RPRD1A: variants seen among roughly 807,000 people sequenced by gnomAD.
RPRD1A encodes the protein regulation of nuclear pre-mRNA domain containing 1A.
RPRD1A carries 9 observed loss-of-function variants against 37.8 expected under a neutral mutation model. That is an observed-to-expected ratio of 0.24 (90% CI 0.14 to 0.42). The LOEUF (loss-of-function observed/expected upper bound fraction) is 0.42. RPRD1A is among the 10% of genes least tolerant of loss of function. The probability of loss-of-function intolerance (pLI) is 1.00; values close to 1 mark genes in which losing one functional copy is unlikely to be tolerated. For synonymous variants in RPRD1A, 138 were observed against 139.7 expected (o/e 0.99, Z 0.08); for missense variants, 255 against 371.0 (o/e 0.69, Z 2.57).
intron 1 of RPRD1A, among the ~76,000 whole-genome samples, chr18:36,039,161 C>T (rs1376863162): frequency 6.6e-6 from 1 of 152,068 alleles, no homozygotes; most frequent in Non-Finnish European, 1.5e-5. Flanking sequence ...TGTCCCCACC[C>T]AAATCTCATG....
intron 6 of RPRD1A, among the ~76,000 whole-genome samples, chr18:36,009,327 C>T (rs1346122512): frequency 1.3e-5 from 2 of 152,148 alleles, no homozygotes; most frequent in Admixed American, 1.3e-4. Context: ...CAAGCTCCAA[C>T]ACAGGCAGAC....
intron 6 of RPRD1A, 51 bp from the exon 7 acceptor site, chr18:35,993,351 T>C (rs1306500793): frequency 5.0e-6 from 8 of 1,595,634 alleles, no homozygotes; most frequent in Non-Finnish European, 6.8e-6. Flanking sequence ...AAAAACTTCC[T>C]AGCTAATAAT....
At chr18:36,003,030 T>C (rs1328438883) in intron 6 of RPRD1A, among the ~76,000 whole-genome samples, 4 of 152,220 alleles carry the variant, frequency 2.6e-5, no homozygotes, top group Non-Finnish European at 5.9e-5. Context: ...TCTTTTCTAA[T>C]AGCTTTCAAA....
chr18:35,997,508 C>T (rs978057627), intron 6 of RPRD1A, among the ~76,000 whole-genome samples: 15 of 151,778 alleles, frequency 9.9e-5, no homozygotes, highest in Non-Finnish European at 1.6e-4. Flanking sequence ...CAACACCCAA[C>T]ATTCATAAGC....
In RPRD1A at chr18:36,065,016, C is replaced by A. The variant is rs141245021; in HGVS notation, c.151+2238G>T. ...TCTGCAGCTTCACTCCTGAAGCCAG[C>A]GAGACCACAAACCCATCAGAAGAAA... On this transcript the variant is annotated intron_variant, in intron 1 of 6. Coordinates refer to ENST00000399022, the MANE Select transcript of RPRD1A (RefSeq NM_018170.5). Among the ~76,000 whole-genome samples, 396 of 151,926 alleles carry A rather than the reference C, an allele frequency of 2.6e-3. 1 individual carries two copies. Among genetic ancestry groups the A allele is most frequent in the African/African-American group, 9.0e-3 (375 of 41,446 alleles).
At position 36,017,660 on chromosome 18, in the gene RPRD1A, CATT is replaced by C. The variant is rs533438795; in HGVS notation, c.789+9237_789+9239del. ...AGAAAGCGTAACTGCCTATATGCAT[CATT>C]GTTTTAACCATCAGAGTTCTATGAA... On this transcript the variant is annotated intron_variant, in intron 6 of 6. Coordinates refer to ENST00000399022, the MANE Select transcript of RPRD1A (RefSeq NM_018170.5). Among the ~76,000 whole-genome samples, 97 of 152,314 alleles carry C rather than the reference CATT, an allele frequency of 6.4e-4. 1 individual carries two copies. The highest frequency in any genetic ancestry group is 2.0e-3 in the African/African-American group (83 of 41,566).
rs1207562987 is a variant in RPRD1A, at chr18:36,030,860, A to C, written c.434T>G (p.Val145Gly). 6.2e-7 allele frequency: 1 copy of C among 1,613,434 alleles called. No individual in the cohort carries two copies. The highest frequency in any genetic ancestry group is 1.1e-5 in the South Asian group (1 of 91,024). Residue 145 changes from valine (V) to glycine (G), a missense_variant, in exon 4 of 7, where the codon GTG (valine) becomes GGG (glycine). Physicochemically the swap from Val to Gly is moderately radical, Grantham distance 109. Around this residue, in one of 2 missense-constraint regions of RPRD1A, gnomAD observed 211 missense variants for 268.9 expected, o/e 0.78. Transcript: ENST00000399022. Reference protein sequence around the residue: ...PRKRTYEQIKVDENENCSSLG... With the variant: ...PRKRTYEQIKGDENENCSSLG... Reference sequence around the variant, plus strand: ...AGAGGAACAGTTTTCATTTTCATCCACCTTTATCTGTTCATAAGTTCGCTT... The same window carrying C: ...AGAGGAACAGTTTTCATTTTCATCCCCCTTTATCTGTTCATAAGTTCGCTT...
At chr18:35,999,858 CT>C (rs756040239) in intron 6 of RPRD1A, among the ~76,000 whole-genome samples, 80 of 152,310 alleles carry the variant, frequency 5.3e-4, no homozygotes, top group Admixed American at 1.2e-3. Flanking sequence ...TCCTTTGCCT[CT>C]TTTAAGAAGT....
At chr18:36,014,831 A>G (rs1269457590) in intron 6 of RPRD1A, among the ~76,000 whole-genome samples, 1 of 152,208 alleles carries the variant, frequency 6.6e-6, no homozygotes, top group Non-Finnish European at 1.5e-5. Context: ...GGCCATAAGC[A>G]TATGAAAAAG....
chr18:36,040,394 A>G (rs2144333939), intron 1 of RPRD1A, among the ~76,000 whole-genome samples: 1 of 152,328 alleles, frequency 6.6e-6, no homozygotes, highest in East Asian at 1.9e-4. Context: ...TTCTTGGCAG[A>G]AAGAAGCTCC....
At chr18:36,041,228 C>T (rs531581648) in intron 1 of RPRD1A, among the ~76,000 whole-genome samples, 51 of 152,260 alleles carry the variant, frequency 3.3e-4, no homozygotes, top group Middle Eastern at 3.4e-3. Context: ...ATAATCCCCA[C>T]GTATCTCTCC....
At chr18:36,052,021 C>G (rs183697643) in intron 1 of RPRD1A, among the ~76,000 whole-genome samples, 2 of 152,116 alleles carry the variant, frequency 1.3e-5, no homozygotes, top group African/African-American at 4.8e-5. Context: ...CACACTAAGA[C>G]ACATTATAAT....
chr18:36,001,227 AATG>A (rs1358616456), intron 6 of RPRD1A, among the ~76,000 whole-genome samples: 2 of 152,184 alleles, frequency 1.3e-5, no homozygotes, highest in Non-Finnish European at 2.9e-5. Flanking sequence ...ACCTCCTAAT[AATG>A]ATGTTTTGAC....
chr18:36,056,760 A>C (rs1295808247), intron 1 of RPRD1A, among the ~76,000 whole-genome samples: 1 of 152,198 alleles, frequency 6.6e-6, no homozygotes, highest in South Asian at 2.1e-4. Flanking sequence ...AAGGAGAACA[A>C]GATGAACAGG....
chr18:35,995,960 T>C (rs1909027885), intron 6 of RPRD1A, among the ~76,000 whole-genome samples: 1 of 152,108 alleles, frequency 6.6e-6, no homozygotes, highest in Non-Finnish European at 1.5e-5. Flanking sequence ...CTGAAAACTA[T>C]CAAGGTCATC....
chr18:36,049,273 A>G (rs1913195650), intron 1 of RPRD1A, among the ~76,000 whole-genome samples: 1 of 152,216 alleles, frequency 6.6e-6, no homozygotes, highest in South Asian at 2.1e-4. Context: ...GATTTAACAA[A>G]ATTGGCCATT....
chr18:36,055,854 T>C (rs1490186338), intron 1 of RPRD1A, among the ~76,000 whole-genome samples: 1 of 152,024 alleles, frequency 6.6e-6, no homozygotes, highest in African/African-American at 2.4e-5. Flanking sequence ...AGTGGACAGA[T>C]CAATGCAACA....
chr18:36,051,807 A>G (rs1913416466), intron 1 of RPRD1A, among the ~76,000 whole-genome samples: 1 of 152,202 alleles, frequency 6.6e-6, no homozygotes, highest in Admixed American at 6.5e-5. Flanking sequence ...TGAGGAGCAG[A>G]AAGAAAAAGA....
intron 6 of RPRD1A, among the ~76,000 whole-genome samples, chr18:35,999,578 C>A (rs1909293222): frequency 6.6e-6 from 1 of 152,106 alleles, no homozygotes. Flanking sequence ...AAAATATTTA[C>A]ATGGCTGCCT....
Sources: allele counts gnomAD v4.1 joint callset (sites outside exome capture counted in the v4.1 genomes callset), GRCh38; gene constraint gnomAD v4.1.1; regional missense constraint gnomAD v4.1.1; transcripts MANE v1.5; gene names NCBI Gene and HGNC (gene_info 2026-07-23, HGNC 2026-07-21).